NALF1: variants seen among roughly 807,000 people sequenced by gnomAD.
NALF1 encodes family with sequence similarity 155 member A.
NALF1 carries 3 observed loss-of-function variants against 48.4 expected under a neutral mutation model. The ratio of observed to expected loss-of-function variants is 0.06; its 90% CI spans 0.03 to 0.16. The LOEUF is 0.16. Ranked by LOEUF, NALF1 falls within the 10% of genes least tolerant of loss-of-function variation. The pLI is 1.00. For synonymous variants in NALF1, 262 were observed against 245.7 expected, an observed-to-expected ratio of 1.07 and a Z score of -0.62; for missense variants, 526 against 571.5, an observed-to-expected ratio of 0.92 and a Z score of 0.81.
At chr13:107,475,371 T>C (rs1310151867) in intron 1 of NALF1, among the ~76,000 whole-genome samples, 1 of 152,208 alleles carries the variant, frequency 6.6e-6, no homozygotes, top group Non-Finnish European at 1.5e-5. Flanking sequence ...AAGGTTTGCG[T>C]TAGTTTTTAG....
chr13:107,644,642 C>CACATATATATATATATATATAT (rs1555314846), intron 1 of NALF1, among the ~76,000 whole-genome samples: 1 of 92,214 alleles, frequency 1.1e-5, no homozygotes, highest in African/African-American at 3.7e-5. Context: ...TACATACATA[C>CACATATATATATATATATATAT]ATACATATAT....
chr13:107,751,856 A>G (rs1054675028), intron 1 of NALF1, among the ~76,000 whole-genome samples: 10 of 152,154 alleles, frequency 6.6e-5, no homozygotes, highest in African/African-American at 2.4e-4. Context: ...CACATATATT[A>G]TAAGTATTCA....
intron 1 of NALF1, among the ~76,000 whole-genome samples, chr13:107,678,305 G>T: frequency 6.6e-6 from 1 of 152,162 alleles, no homozygotes; most frequent in East Asian, 1.9e-4. Flanking sequence ...GGCCACGACA[G>T]GGAGGGGAGA....
intron 1 of NALF1, among the ~76,000 whole-genome samples, chr13:107,735,006 T>C (rs983290712): frequency 1.3e-5 from 2 of 152,126 alleles, no homozygotes; most frequent in Non-Finnish European, 2.9e-5. Flanking sequence ...CAAAGACTAC[T>C]GCTCCTGGGA....
intron 1 of NALF1, among the ~76,000 whole-genome samples, chr13:107,444,557 C>T (rs995124504): frequency 1.3e-5 from 2 of 151,988 alleles, no homozygotes; most frequent in Non-Finnish European, 2.9e-5. Context: ...TAATTTATGG[C>T]CCAGAATAAA....
intron 1 of NALF1, among the ~76,000 whole-genome samples, chr13:107,666,739 T>C (rs1308786804): frequency 3.3e-5 from 5 of 151,494 alleles, no homozygotes. Flanking sequence ...GAGTTATCCA[T>C]TGTTAAACTG....
intron 1 of NALF1, among the ~76,000 whole-genome samples, chr13:107,330,509 A>T (rs1301186718): frequency 1.3e-5 from 2 of 152,224 alleles, no homozygotes; most frequent in East Asian, 3.8e-4. Context: ...AAAGTAGTTT[A>T]TATTTACAAC....
intron 1 of NALF1, among the ~76,000 whole-genome samples, chr13:107,458,728 G>A (rs1884867560): frequency 6.6e-6 from 1 of 152,128 alleles, no homozygotes; most frequent in Non-Finnish European, 1.5e-5. Flanking sequence ...GACCAACAAC[G>A]CAGAAACATG....
chr13:107,699,259 A>T (rs1482082281), intron 1 of NALF1, among the ~76,000 whole-genome samples: 1 of 152,150 alleles, frequency 6.6e-6, no homozygotes, highest in African/African-American at 2.4e-5. Flanking sequence ...TAAATATGTC[A>T]TTATACTCAG....
At chr13:107,865,453 G>A (rs35231512) in intron 1 of NALF1, among the ~76,000 whole-genome samples, 21,764 of 151,938 alleles carry the variant, frequency 0.14, 2,082 homozygotes, top group Non-Finnish European at 0.21. Flanking sequence ...TCAGATAACC[G>A]GGGACTTCCC....
At chr13:107,695,059 C>T (rs1264974574) in intron 1 of NALF1, among the ~76,000 whole-genome samples, 7 of 152,238 alleles carry the variant, frequency 4.6e-5, no homozygotes, top group Middle Eastern at 3.4e-3. Flanking sequence ...TCCCAACACG[C>T]TGGGATGATG....
At chr13:107,710,757 A>C (rs1378921004) in intron 1 of NALF1, among the ~76,000 whole-genome samples, 2 of 126,368 alleles carry the variant, frequency 1.6e-5, no homozygotes, top group African/African-American at 5.7e-5. Flanking sequence ...ATATATATAC[A>C]TATATGTATA....
chr13:107,295,385 C>T (rs960478111), intron 1 of NALF1, among the ~76,000 whole-genome samples: 2 of 152,150 alleles, frequency 1.3e-5, no homozygotes, highest in African/African-American at 2.4e-5. Flanking sequence ...TTATCTAATC[C>T]ACCATTGATG....
At chr13:107,332,049 T>G (rs1882478768) in intron 1 of NALF1, among the ~76,000 whole-genome samples, 1 of 152,172 alleles carries the variant, frequency 6.6e-6, no homozygotes, top group African/African-American at 2.4e-5. Context: ...TATATTTCAG[T>G]AAAAGAACAA....
chr13:107,785,468 T>C (rs1226759383), intron 1 of NALF1, among the ~76,000 whole-genome samples: 1 of 152,148 alleles, frequency 6.6e-6, no homozygotes, highest in African/African-American at 2.4e-5. Context: ...CCAAACATCG[T>C]ATGTTTTCAC....
At chr13:107,403,649 GT>G (rs1883850522) in intron 1 of NALF1, among the ~76,000 whole-genome samples, 1 of 151,776 alleles carries the variant, frequency 6.6e-6, no homozygotes, top group South Asian at 2.1e-4. Flanking sequence ...GTGGTCTACA[GT>G]TTTAATACAT....
intron 1 of NALF1, among the ~76,000 whole-genome samples, chr13:107,322,556 C>T (rs1264546336): frequency 6.6e-6 from 1 of 152,104 alleles, no homozygotes; most frequent in Non-Finnish European, 1.5e-5. Flanking sequence ...GTACCTCCAC[C>T]CTAATCCCTG....
intron 1 of NALF1, among the ~76,000 whole-genome samples, chr13:107,247,591 C>T (rs1445988402): frequency 6.6e-6 from 1 of 152,134 alleles, no homozygotes; most frequent in Admixed American, 6.5e-5. Context: ...GCTGAGGTTA[C>T]AAGTTAAATG....
intron 1 of NALF1, among the ~76,000 whole-genome samples, chr13:107,610,051 C>A (rs1200458899): frequency 3.9e-5 from 6 of 152,090 alleles, no homozygotes; most frequent in Admixed American, 3.9e-4. Context: ...ATGAAAATTA[C>A]AATGAAATGC....
Sources: allele counts gnomAD v4.1 joint callset (sites outside exome capture counted in the v4.1 genomes callset), GRCh38; gene constraint gnomAD v4.1.1; transcripts MANE v1.5; gene names NCBI Gene and HGNC (gene_info 2026-07-23, HGNC 2026-07-21).